PIWIL3: variants seen among roughly 807,000 people sequenced by gnomAD.
PIWIL3 encodes piwi-like protein 3.
A neutral mutation model predicts 109.7 loss-of-function variants in PIWIL3; 101 were observed. The ratio of observed to expected loss-of-function variants is 0.92; its 90% confidence interval spans 0.78 to 1.09. The LOEUF (loss-of-function observed/expected upper bound fraction) is 1.09. PIWIL3 is among the 50% of genes least tolerant of loss of function. The pLI, the probability that PIWIL3 is intolerant of heterozygous loss-of-function variation, is 0.00. For synonymous variants in PIWIL3, 373 were observed against 376.4 expected (o/e 0.99, Z 0.10); for missense variants, 1,031 against 1,072.6 (o/e 0.96, Z 0.54).
Position 24,725,016 on chromosome 22 carries a change from T to A in PIWIL3, c.2102A>T (p.Lys701Ile). 1 of 1,614,186 alleles carries A rather than the reference T, an allele frequency of 6.2e-7. No individual in the cohort carries two copies. The highest frequency in any genetic ancestry group is 8.5e-7 in the Non-Finnish European group (1 of 1,180,026). Residue 701 changes from lysine to isoleucine, a missense_variant, in exon 18 of 21, where the codon AAA becomes ATA. Physicochemically the swap from Lys to Ile is moderately radical, Grantham distance 102 (BLOSUM62 -3). Transcript: ENST00000616349. ...CLKAALDVWC[K>I]NESSMPHSVI... ...AGAATGTGGCATCGATGATTCGTTTTTACACCAGACATCCAGGGCAGCTAA... is the reference window on the plus strand; with the variant it reads ...AGAATGTGGCATCGATGATTCGTTTATACACCAGACATCCAGGGCAGCTAA...
chr22:24,743,410 A>G (rs1924125153), intron 12 of PIWIL3, among the ~76,000 whole-genome samples: 1 of 152,246 alleles, frequency 6.6e-6, no homozygotes, highest in Non-Finnish European at 1.5e-5. Context: ...ATAGCAGCAC[A>G]GTTTGCGATC....
chr22:24,758,836 T>G (rs1433823594), intron 3 of PIWIL3, among the ~76,000 whole-genome samples: 3 of 152,222 alleles, frequency 2.0e-5, no homozygotes, highest in African/African-American at 7.2e-5. Flanking sequence ...TTCATCATAT[T>G]AAAATGTCAG....
Position 24,771,686 on chromosome 22 carries a change from C to T in PIWIL3, c.-23+2636G>A, listed in dbSNP as rs1926139628. On this transcript the variant is annotated intron_variant, in intron 1 of 20. Coordinates refer to ENST00000616349, the MANE Select transcript of PIWIL3 (RefSeq NM_001255975.1). The stretch of plus-strand genomic sequence containing the variant: ...TTGCTATTCTATAATTTTTTATTTC[C>T]AATTTTCAGGCCCAAAAGATTCAGG... Among the ~76,000 whole-genome samples, 2 of 151,676 alleles carry T rather than the reference C, an allele frequency of 1.3e-5. 1 individual carries two copies. The highest frequency in any genetic ancestry group is 4.2e-4 in the South Asian group (2 of 4,808).
At chr22:24,748,243 C>G (rs962989490) in intron 12 of PIWIL3, among the ~76,000 whole-genome samples, 1 of 152,034 alleles carries the variant, frequency 6.6e-6, no homozygotes, top group African/African-American at 2.4e-5. Flanking sequence ...CAATTGAACT[C>G]ATGGAGATAG....
chr22:24,728,650 T>G (rs1601825057), intron 14 of PIWIL3, among the ~76,000 whole-genome samples: 1 of 152,206 alleles, frequency 6.6e-6, no homozygotes, highest in African/African-American at 2.4e-5. Context: ...TAATTAACAT[T>G]ATAAACTATA....
At chr22:24,751,009 A>G (rs1288919701) in intron 9 of PIWIL3, among the ~76,000 whole-genome samples, 1 of 151,886 alleles carries the variant, frequency 6.6e-6, no homozygotes, top group Non-Finnish European at 1.5e-5. Context: ...CTGTAGTCCC[A>G]GCTACTTGGG....
Position 24,756,651 on chromosome 22 carries a change from C to T in PIWIL3, c.410G>A (p.Arg137His), listed in dbSNP as rs113771741. 491 of 1,614,014 alleles carry T rather than the reference C, an allele frequency of 3.0e-4. 2 individuals carry two copies. In the African/African-American group the frequency reaches 4.6e-3, roughly 15 times the overall value. The change falls in exon 5 of 21, where the codon CGT becomes CAT. Residue 137 changes from arginine (R) to histidine (H), a missense_variant. By Grantham distance (29) the Arg-to-His change is conservative (BLOSUM62 0). Coordinates refer to ENST00000616349, the MANE Select transcript of PIWIL3 (RefSeq NM_001255975.1). The part of the protein sequence containing the change: ...LLANHFRVIS[R>H]PQWVAYKYNV... ...GTATTTATATGCAACCCACTGAGGACGAGATATCACTCGGAAGTGGTTGGC... is the reference window on the plus strand; with the variant it reads ...GTATTTATATGCAACCCACTGAGGATGAGATATCACTCGGAAGTGGTTGGC...
rs1924598088 is a variant in PIWIL3, at chr22:24,749,821, T to C, written c.1090-2A>G. 1 of 1,613,920 alleles carries C rather than the reference T, an allele frequency of 6.2e-7. No individual in the cohort carries two copies. Among genetic ancestry groups the C allele is most frequent in the Admixed American group, 1.7e-5 (1 of 59,992 alleles). ...CACTGTGACAATTTCTTTATGTTGC[T>C]GCTCAACAAACAAGAGACCAGCATG... On this transcript the variant is annotated splice_acceptor_variant, in intron 9 of 20. Transcript: ENST00000616349. LOFTEE classifies it high-confidence loss of function.
At chr22:24,724,183 C>G (rs932238074) in intron 18 of PIWIL3, among the ~76,000 whole-genome samples, 1 of 152,116 alleles carries the variant, frequency 6.6e-6, no homozygotes, top group Non-Finnish European at 1.5e-5. Context: ...CCACAAAAGC[C>G]ACTATTTATA....
At chr22:24,763,467 A>C (rs1925576729) in intron 1 of PIWIL3, among the ~76,000 whole-genome samples, 3 of 151,840 alleles carry the variant, frequency 2.0e-5, no homozygotes, top group Admixed American at 6.6e-5. Flanking sequence ...CGCCTGGCTA[A>C]TTTTTGTATT....
chr22:24,735,775 T>C lies in PIWIL3; in HGVS notation c.1567A>G (p.Met523Val), dbSNP rs761296292. ...LYSRSSHREAMSLKGHLQSVT... is the reference protein window; with the variant it reads ...LYSRSSHREAVSLKGHLQSVT... ...CTCTGTAGATGACCCTTTAAGGACA[T>C]GGCTTCTCTGTGACTGCTCCTGCTA... The change falls in exon 13 of 21, where the codon ATG (methionine) becomes GTG (valine). Residue 523 changes from methionine to valine, a missense_variant. Physicochemically the swap from Met to Val is conservative, Grantham distance 21. Coordinates refer to ENST00000616349, the MANE Select transcript of PIWIL3 (RefSeq NM_001255975.1). 11 of 1,614,140 alleles carry C rather than the reference T, an allele frequency of 6.8e-6. No homozygotes were observed.
intron 12 of PIWIL3, among the ~76,000 whole-genome samples, chr22:24,746,525 T>C (rs866455573): frequency 2.0e-5 from 3 of 152,072 alleles, no homozygotes; most frequent in Admixed American, 6.5e-5. Context: ...CCTGTCACCA[T>C]TGTTATTCAA....
At chr22:24,740,661 G>A (rs901455174) in intron 12 of PIWIL3, among the ~76,000 whole-genome samples, 3 of 151,942 alleles carry the variant, frequency 2.0e-5, no homozygotes, top group African/African-American at 7.3e-5. Context: ...AAAACCTAGA[G>A]GAGATGGATA....
chr22:24,729,715 C>T (rs1923221210), intron 14 of PIWIL3, among the ~76,000 whole-genome samples: 1 of 152,210 alleles, frequency 6.6e-6, no homozygotes, highest in African/African-American at 2.4e-5. Context: ...TTATTCTATA[C>T]TGTTTTTCTT....
At chr22:24,765,949 TC>T (rs1925763477) in intron 1 of PIWIL3, among the ~76,000 whole-genome samples, 1 of 152,000 alleles carries the variant, frequency 6.6e-6, no homozygotes, top group Non-Finnish European at 1.5e-5. Flanking sequence ...AGAGTCCATT[TC>T]CCACATCTTT....
At chr22:24,725,882 C>G (rs1308523550) in intron 16 of PIWIL3, among the ~76,000 whole-genome samples, 1 of 152,156 alleles carries the variant, frequency 6.6e-6, no homozygotes, top group Admixed American at 6.6e-5. Context: ...TCCATGTTCC[C>G]CCTCACTGAG....
chr22:24,739,459 A>G (rs1923848738), intron 12 of PIWIL3, among the ~76,000 whole-genome samples: 1 of 152,226 alleles, frequency 6.6e-6, no homozygotes, highest in South Asian at 2.1e-4. Context: ...GAGAAAAATA[A>G]CATAGAATGG....
At chr22:24,757,688 A>ACACACACACACACACACC (rs1925166835) in intron 4 of PIWIL3, among the ~76,000 whole-genome samples, 2 of 138,500 alleles carry the variant, frequency 1.4e-5, no homozygotes, top group African/African-American at 5.2e-5. Context: ...ACACACACAC[A>ACACACACACACACACACC]CACACACACA....
intron 12 of PIWIL3, among the ~76,000 whole-genome samples, chr22:24,741,884 A>G (rs368792689): frequency 2.0e-5 from 3 of 151,458 alleles, no homozygotes; most frequent in East Asian, 2.0e-4. Flanking sequence ...ACATAGTACT[A>G]TAAGTCCTAG....
Sources: gnomAD v4.1 joint callset for allele counts (sites outside exome capture counted in the v4.1 genomes callset) on GRCh38, gnomAD v4.1.1 for gene constraint, MANE v1.5 for transcripts, NCBI Gene and HGNC (gene_info 2026-07-23, HGNC 2026-07-21) for gene names.